The following PHKB variants were observed in gnomAD, a reference collection of about 807,000 sequenced individuals.
PHKB encodes the protein phosphorylase b kinase regulatory subunit beta.
PHKB carries 122 observed loss-of-function variants against 152.1 expected under a neutral mutation model. The observed-to-expected ratio is 0.80, with a 90% confidence interval of 0.69 to 0.93. PHKB has a LOEUF of 0.93. Ranked by LOEUF, PHKB falls within the 40% of genes least tolerant of loss-of-function variation. The probability of loss-of-function intolerance (pLI) is 0.00; values close to 1 mark genes in which losing one functional copy is unlikely to be tolerated. For synonymous variants in PHKB, 436 were observed against 464.9 expected (o/e 0.94, Z 0.80); for missense variants, 1,304 against 1,328.4 (o/e 0.98, Z 0.29).
At chr16:47,682,104 T>C (rs1239121795) in intron 26 of PHKB, among the ~76,000 whole-genome samples, 2 of 152,174 alleles carry the variant, frequency 1.3e-5, no homozygotes, top group African/African-American at 4.8e-5. Flanking sequence ...CCACTCTCTT[T>C]TGGCTTGTAT....
chr16:47,695,915 C>T (rs1408196042), intron 28 of PHKB, among the ~76,000 whole-genome samples: 1 of 152,160 alleles, frequency 6.6e-6, no homozygotes, highest in African/African-American at 2.4e-5. Flanking sequence ...CCCAGTTCTG[C>T]ACATAATATT....
At chr16:47,615,622 T>A (rs1228335782) in intron 14 of PHKB, among the ~76,000 whole-genome samples, 1 of 152,264 alleles carries the variant, frequency 6.6e-6, no homozygotes, top group Non-Finnish European at 1.5e-5. Context: ...CTAGCATATG[T>A]GTAGTCTCAA....
At chr16:47,548,399 G>A (rs1350056882) in intron 7 of PHKB, among the ~76,000 whole-genome samples, 1 of 152,164 alleles carries the variant, frequency 6.6e-6, no homozygotes, top group Non-Finnish European at 1.5e-5. Flanking sequence ...ATGAGGCCAG[G>A]AGTTTAAGAC....
intron 5 of PHKB, among the ~76,000 whole-genome samples, chr16:47,514,874 C>T (rs1312660607): frequency 6.6e-6 from 1 of 152,076 alleles, no homozygotes; most frequent in Non-Finnish European, 1.5e-5. Context: ...TTTTAATACA[C>T]TAAAATAATA....
Position 47,588,989 on chromosome 16 carries a change from A to C in PHKB, c.955A>C (p.Lys319Gln). ...AGTTCTTTTTAGCCAGACACTTGATAAAGTGGTTAGAAAATTAAAAGGAAA... is the reference window on the plus strand; with the variant it reads ...AGTTCTTTTTAGCCAGACACTTGATCAAGTGGTTAGAAAATTAAAAGGAAA... The part of the protein sequence containing the change: ...DEVLFSQTLD[K>Q]VVRKLKGKYG... The change falls in exon 10 of 31, where the codon AAA becomes CAA. Residue 319 changes from lysine (K) to glutamine (Q), a missense_variant. Lys to Gln is a moderately conservative substitution (Grantham distance 53). Transcript: ENST00000323584. 1 of 1,613,684 alleles carries C rather than the reference A, an allele frequency of 6.2e-7. No individual in the cohort carries two copies. The highest frequency in any genetic ancestry group is 8.5e-7 in the Non-Finnish European group (1 of 1,179,582).
rs1046812646 is a variant in PHKB at position 47,588,680 on chromosome 16, A to C, written c.871-225A>C. Among the ~76,000 whole-genome samples the C allele has an allele frequency of 3.9e-5, 6 of 152,236 alleles. No homozygotes were observed. In the East Asian group the frequency reaches 1.2e-3, roughly 29 times the overall value. On this transcript the variant is annotated intron_variant, in intron 9 of 30. Coordinates refer to ENST00000323584, the MANE Select transcript of PHKB (RefSeq NM_000293.3). The stretch of plus-strand genomic sequence containing the variant: ...GCACCATTTTAATTAATATTTTGAC[A>C]TTTGAGCCCGTTGAATCTTGAAAAT...
At chr16:47,686,613 A>AT (rs1973970119) in intron 26 of PHKB, among the ~76,000 whole-genome samples, 1 of 152,220 alleles carries the variant, frequency 6.6e-6, no homozygotes, top group Non-Finnish European at 1.5e-5. Context: ...CAGAATTGGT[A>AT]TTTAAGTCTG....
At chr16:47,509,911 C>T (rs1046521767) in intron 4 of PHKB, among the ~76,000 whole-genome samples, 8 of 152,174 alleles carry the variant, frequency 5.3e-5, no homozygotes, top group African/African-American at 1.7e-4. Context: ...AGACTACCCC[C>T]GGCTTCCGAC....
At chr16:47,504,067 A>G (rs1441852772) in intron 4 of PHKB, among the ~76,000 whole-genome samples, 2 of 152,306 alleles carry the variant, frequency 1.3e-5, no homozygotes, top group East Asian at 3.9e-4. Context: ...AGGAGGACTC[A>G]CATGACTCAT....
intron 4 of PHKB, among the ~76,000 whole-genome samples, chr16:47,508,437 T>G (rs866379419): frequency 7.9e-5 from 12 of 152,328 alleles, no homozygotes; most frequent in African/African-American, 2.6e-4. Flanking sequence ...TGTATCTATC[T>G]ACTGAAAATT....
intron 26 of PHKB, among the ~76,000 whole-genome samples, chr16:47,676,727 C>A (rs925400347): frequency 1.5e-4 from 23 of 152,186 alleles, no homozygotes; most frequent in Non-Finnish European, 2.2e-4. Context: ...AACCTGCTCA[C>A]AGGAATGGTA....
intron 14 of PHKB, among the ~76,000 whole-genome samples, chr16:47,634,507 G>A (rs1452045458): frequency 6.6e-6 from 1 of 152,182 alleles, no homozygotes; most frequent in Non-Finnish European, 1.5e-5. Context: ...TATAATTTCT[G>A]TATCGGACAG....
rs1485635031 is a variant in PHKB, at chr16:47,485,321, TGAA to T, written c.77-12075_77-12073del. On this transcript the variant is annotated intron_variant, in intron 1 of 30. Coordinates refer to ENST00000323584, the MANE Select transcript of PHKB (RefSeq NM_000293.3). Reference sequence around the variant, plus strand: ...GTTCTCAAAGAGATATCAGTCATCTTGAAGATGCTCACAGTGCTGAATCTATGT... The same window carrying T: ...GTTCTCAAAGAGATATCAGTCATCTTGATGCTCACAGTGCTGAATCTATGT... 3.9e-5 allele frequency among the ~76,000 whole-genome samples: 6 copies of T among 152,226 alleles called. No individual in the cohort carries two copies. The East Asian group carries it at 9.6e-4, about 24-fold the overall frequency.
At chr16:47,492,548 G>A (rs1462686380) in intron 1 of PHKB, among the ~76,000 whole-genome samples, 1 of 152,214 alleles carries the variant, frequency 6.6e-6, no homozygotes, top group Non-Finnish European at 1.5e-5. Flanking sequence ...TTCTGGCTGG[G>A]GGAGCGGAAG....
intron 10 of PHKB, among the ~76,000 whole-genome samples, chr16:47,591,967 G>A (rs1047040885): frequency 6.6e-6 from 1 of 152,116 alleles, no homozygotes; most frequent in Non-Finnish European, 1.5e-5. Context: ...CCCTCCAGGA[G>A]ACATTTGACA....
chr16:47,666,011 T>C (rs1478410828), intron 25 of PHKB: 4 of 1,612,872 alleles, frequency 2.5e-6, no homozygotes, highest in Non-Finnish European at 2.5e-6. Flanking sequence ...CCATTACTAA[T>C]GTTTTAGTGC....
At chr16:47,588,798 CT>C in intron 9 of PHKB, 106 bp from the exon 10 acceptor site, 1 of 941,316 alleles carries the variant, frequency 1.1e-6, no homozygotes. Context: ...AGCGTGCTCA[CT>C]TTTGACTGCA....
chr16:47,563,458 T>C (rs573132159), intron 7 of PHKB, among the ~76,000 whole-genome samples: 1 of 152,192 alleles, frequency 6.6e-6, no homozygotes, highest in East Asian at 1.9e-4. Flanking sequence ...TAACCAGGTA[T>C]ATTGTCAATA....
At chr16:47,566,096 A>G (rs1028915822) in intron 7 of PHKB, 31 of 657,562 alleles carry the variant, frequency 4.7e-5, no homozygotes, top group Non-Finnish European at 8.0e-5. Context: ...CTATCTGGGA[A>G]TCATAGCCTC....
Sources: gnomAD v4.1 joint callset for allele counts (sites outside exome capture counted in the v4.1 genomes callset) on GRCh38, gnomAD v4.1.1 for gene constraint, MANE v1.5 for transcripts, NCBI Gene and HGNC (gene_info 2026-07-23, HGNC 2026-07-21) for gene names.